Variants in ABCG5 observed in about 807,000 individuals in gnomAD.
ABCG5 encodes ATP binding cassette subfamily G member 5.
In ABCG5, 64 loss-of-function variants were observed where a neutral mutation model predicts 64.5. That is an observed-to-expected ratio of 0.99 (90% CI 0.81 to 1.22). The LOEUF (loss-of-function observed/expected upper bound fraction) is 1.22, where lower values mean the gene tolerates loss of function less well. Ranked by LOEUF, ABCG5 falls within the 50% of genes most tolerant of loss-of-function variation. The probability of loss-of-function intolerance (pLI) is 0.00; values close to 1 mark genes in which losing one functional copy is unlikely to be tolerated. For missense variants in ABCG5, 908 were observed against 829.5 expected, an observed-to-expected ratio of 1.09 and a Z score of -1.16; for synonymous variants, 385 against 326.3, an observed-to-expected ratio of 1.18 and a Z score of -1.94.
At position 43,813,297 on chromosome 2, in the gene ABCG5, A is replaced by G. The variant is rs777055543; in HGVS notation, c.1775T>C (p.Val592Ala). The G allele has an allele frequency of 8.7e-6, 14 of 1,612,928 alleles. No homozygotes were observed. The highest frequency in any genetic ancestry group is 2.2e-5 in the East Asian group (1 of 44,872). The change falls in exon 13 of 13, where the codon GTT becomes GCT. Residue 592 changes from valine to alanine, a missense_variant. Physicochemically the swap from Val to Ala is moderately conservative, Grantham distance 64. Coordinates refer to ENST00000405322, the MANE Select transcript of ABCG5 (RefSeq NM_022436.3). ...GLNFTCGSSN[V>A]SVTTNPMCAF... is the part of the protein sequence containing the mutation. ...ACACATTGGATTAGTTGTCACAGAA[A>G]CATTTGAGCTGCCTGTCAAGGAAAA...
At chr2:43,835,186 AC>A (rs1284795388) in intron 2 of ABCG5, among the ~76,000 whole-genome samples, 3 of 150,528 alleles carry the variant, frequency 2.0e-5, no homozygotes, top group African/African-American at 7.4e-5. Flanking sequence ...CCACTCCCCC[AC>A]CCCAATCAAG....
intron 10 of ABCG5, among the ~76,000 whole-genome samples, chr2:43,820,579 G>A (rs186961962): frequency 5.8e-4 from 88 of 152,192 alleles, no homozygotes; most frequent in African/African-American, 2.0e-3. Context: ...TTTTGTCCTC[G>A]ATCAGGTTAG....
chr2:43,838,039 G>T lies in ABCG5; in HGVS notation c.144-84C>A. 1 of 1,584,216 alleles carries T rather than the reference G, an allele frequency of 6.3e-7. No homozygotes were observed. The highest frequency in any genetic ancestry group is 1.1e-5 in the South Asian group (1 of 89,504). ...CAGGTCCCCAGCATTGATCCTACCT[G>T]TGCCCCACCCCAGTAGTCTCCGGAC... On this transcript the variant is annotated intron_variant, in intron 1 of 12. Coordinates refer to ENST00000405322, the MANE Select transcript of ABCG5 (RefSeq NM_022436.3). This position sits in a 1 kb window ranked among gnomAD's most constrained non-coding sequence, Gnocchi z 4.2.
intron 2 of ABCG5, among the ~76,000 whole-genome samples, chr2:43,835,947 T>G (rs867329044): frequency 2.0e-5 from 3 of 151,716 alleles, no homozygotes; most frequent in Non-Finnish European, 2.9e-5. Flanking sequence ...TCCTCTTCTT[T>G]TTTTTTTTTA....
chr2:43,806,336 T>G, the ABCG5 span, among the ~76,000 whole-genome samples: 1 of 152,232 alleles, frequency 6.6e-6, no homozygotes, highest in African/African-American at 2.4e-5. Flanking sequence ...GTCACGTTGT[T>G]GCGAGGGTAA....
chr2:43,818,145 A>T (rs111477982), intron 11 of ABCG5, among the ~76,000 whole-genome samples: 2,048 of 152,198 alleles, frequency 0.013, 55 homozygotes, highest in African/African-American at 0.047. Flanking sequence ...GGATGATTGT[A>T]TGGCTACTCA....
At chr2:43,814,614 A>AAAT (rs1290410100) in intron 11 of ABCG5, 25 bp from the exon 12 acceptor site, 2 of 1,387,854 alleles carry the variant, frequency 1.4e-6, no homozygotes, top group African/African-American at 2.8e-5. Context: ...AACAAAAATG[A>AAAT]AATTCAGTAG....
chr2:43,808,608 CTAAAA>C (rs1401763351), downstream of ABCG5, among the ~76,000 whole-genome samples: 1 of 152,090 alleles, frequency 6.6e-6, no homozygotes, highest in Non-Finnish European at 1.5e-5. Context: ...GCCACCTCCA[CTAAAA>C]TTTATTTATG....
At chr2:43,814,289 G>C (rs1443356180) in intron 12 of ABCG5, among the ~76,000 whole-genome samples, 188 bp downstream of exon 12, 1 of 152,164 alleles carries the variant, frequency 6.6e-6, no homozygotes, top group Admixed American at 6.5e-5. Context: ...TTTGACAGGA[G>C]ACTAACTTGA....
chr2:43,837,720 A>G, intron 2 of ABCG5, 114 bp downstream of exon 2: 1 of 1,395,540 alleles, frequency 7.2e-7, no homozygotes, highest in South Asian at 1.2e-5. Context: ...AGATATCAAT[A>G]GAATTCATTC....
chr2:43,826,568 G>A (rs759558142), intron 5 of ABCG5, 47 bp from the exon 6 acceptor site: 1 of 1,613,592 alleles, frequency 6.2e-7, no homozygotes, highest in Non-Finnish European at 8.5e-7. Flanking sequence ...CAGAGCCCAG[G>A]CTCTGTGCTT....
downstream of ABCG5, among the ~76,000 whole-genome samples, chr2:43,809,332 G>A (rs1457159527): frequency 6.6e-6 from 1 of 152,086 alleles, no homozygotes; most frequent in African/African-American, 2.4e-5. Context: ...CTTCAACCAA[G>A]TTTTTGATTA....
In ABCG5 at chr2:43,838,094, C is replaced by T. The variant is rs1668398362; in HGVS notation, c.144-139G>A. The stretch of plus-strand genomic sequence containing the variant: ...TCCTAACGTGTTTCAGTCTCTGCGC[C>T]CTCCTCTGTAGAACCTGGCAGATAG... On this transcript the variant is annotated intron_variant, in intron 1 of 12. Transcript: ENST00000405322. This position sits in a 1 kb window ranked among gnomAD's most constrained non-coding sequence, Gnocchi z 4.2. 6 of 1,188,232 alleles carry T rather than the reference C, an allele frequency of 5.0e-6. No individual in the cohort carries two copies. Among genetic ancestry groups the T allele is most frequent in the South Asian group, 3.9e-5 (3 of 76,096 alleles). The allele number at this position is 1,188,232 out of a possible 1,614,324, so 73.6% of individuals were successfully genotyped here. A position where few individuals can be genotyped will look rare whatever the true frequency, so the allele number is the denominator to read the frequency against.
chr2:43,819,774 GAGC>G (rs1667068131), intron 11 of ABCG5, 138 bp downstream of exon 11: 3 of 886,550 alleles, frequency 3.4e-6, no homozygotes. Flanking sequence ...AATGATTAAC[GAGC>G]AGTATAAATG....
At chr2:43,817,309 A>G (rs1666897739) in intron 11 of ABCG5, among the ~76,000 whole-genome samples, 1 of 151,818 alleles carries the variant, frequency 6.6e-6, no homozygotes, top group Non-Finnish European at 1.5e-5. Context: ...ACTTGGTGAA[A>G]CCTCATCTCT....
At chr2:43,806,319 G>C in the ABCG5 span, among the ~76,000 whole-genome samples, 1 of 152,204 alleles carries the variant, frequency 6.6e-6, no homozygotes, top group African/African-American at 2.4e-5. Flanking sequence ...CAACTTCTCA[G>C]GTGGCAGTCA....
At chr2:43,808,964 T>TACACACACACACAC (rs56090427), downstream of ABCG5, among the ~76,000 whole-genome samples, 27 of 145,570 alleles carry the variant, frequency 1.9e-4, no homozygotes, top group African/African-American at 6.3e-4. Context: ...GGACAAAGGA[T>TACACACACACACAC]ACACACACAC....
intron 12 of ABCG5, among the ~76,000 whole-genome samples, chr2:43,814,026 T>C (rs1666659900): frequency 6.6e-6 from 1 of 152,124 alleles, no homozygotes; most frequent in South Asian, 2.1e-4. Context: ...ACCCTGAGAT[T>C]TCTAATGGCC....
At chr2:43,833,468 C>T (rs1167566514) in intron 2 of ABCG5, among the ~76,000 whole-genome samples, 1 of 147,158 alleles carries the variant, frequency 6.8e-6, no homozygotes, top group African/African-American at 2.5e-5. Flanking sequence ...CTGCAACCTC[C>T]ACCTCCCAGG....
Sources: allele counts gnomAD v4.1 joint callset (sites outside exome capture counted in the v4.1 genomes callset), GRCh38; gene constraint gnomAD v4.1.1; non-coding constraint Gnocchi (gnomAD v3.1); transcripts MANE v1.5; gene names NCBI Gene and HGNC (gene_info 2026-07-23, HGNC 2026-07-21).